Variants in NCS1 observed in about 807,000 individuals in gnomAD.
NCS1 encodes frequenin homolog.
Under a neutral mutation model 28.4 loss-of-function variants are expected in NCS1, and 6 were observed. That is an observed-to-expected ratio of 0.21 (90% CI 0.12 to 0.42). The LOEUF is 0.42. Among genes scored for constraint, NCS1 ranks in the 10% least tolerant of loss-of-function variants. The pLI, the probability that NCS1 is intolerant of heterozygous loss-of-function variation, is 1.00. For missense variants in NCS1, 131 were observed against 241.4 expected, an observed-to-expected ratio of 0.54 and a Z score of 3.03; for synonymous variants, 86 against 99.3, an observed-to-expected ratio of 0.87 and a Z score of 0.79.
At chr9:130,207,601 G>C (rs1172859006) in intron 2 of NCS1, among the ~76,000 whole-genome samples, 1 of 152,260 alleles carries the variant, frequency 6.6e-6, no homozygotes, top group Non-Finnish European at 1.5e-5. Context: ...AGGGTCTTAA[G>C]TGATTCTGTG....
At chr9:130,208,490 T>A (rs1380341493) in intron 2 of NCS1, among the ~76,000 whole-genome samples, 1 of 152,102 alleles carries the variant, frequency 6.6e-6, no homozygotes, top group Non-Finnish European at 1.5e-5. Context: ...TTGGCCAGGC[T>A]GGTCTCAAAC....
rs1833279814 is a variant in NCS1 at position 130,221,155 on chromosome 9, C to T, written c.307+1352C>T. On this transcript the variant is annotated intron_variant, in intron 4 of 7. Transcript: ENST00000372398. ...TCTCCTGCTTCAGCCTCCCAAGTAGCTGGGATTACAGGCATGTGCCACCAC... is the reference window on the plus strand; with the variant it reads ...TCTCCTGCTTCAGCCTCCCAAGTAGTTGGGATTACAGGCATGTGCCACCAC... Among the ~76,000 whole-genome samples, 2 of 151,908 alleles carry T rather than the reference C, an allele frequency of 1.3e-5. 1 individual carries two copies. Among genetic ancestry groups the T allele is most frequent in the Middle Eastern group, 6.8e-3 (2 of 294 alleles).
intron 2 of NCS1, among the ~76,000 whole-genome samples, chr9:130,204,359 G>A (rs1832998651): frequency 6.6e-6 from 1 of 152,146 alleles, no homozygotes; most frequent in Admixed American, 6.5e-5. Flanking sequence ...TACTACCAAA[G>A]CTCACTGCAG....
rs782685315 is a variant in NCS1 at position 130,186,324 on chromosome 9, C to T, written c.64+13597C>T. ...ACAATGGACTGGGAATCTCCCTGGT[C>T]TGGGGTGCATCTGGGAGGGCTTCCT... On this transcript the variant is annotated intron_variant, in intron 1 of 7. Coordinates refer to ENST00000372398, the MANE Select transcript of NCS1 (RefSeq NM_014286.4). The surrounding 1 kb of genome is among the most constrained non-coding windows in gnomAD (Gnocchi z 4.1). Among the ~76,000 whole-genome samples, 1 of 152,118 alleles carries T rather than the reference C, an allele frequency of 6.6e-6. No individual in the cohort carries two copies. The highest frequency in any genetic ancestry group is 1.5e-5 in the Non-Finnish European group (1 of 68,020).
At position 130,175,856 on chromosome 9, in the gene NCS1, G is replaced by A. The variant is rs56339189; in HGVS notation, c.64+3129G>A. Among the ~76,000 whole-genome samples the A allele has an allele frequency of 9.6e-3, 1,466 of 152,340 alleles. 19 individuals are homozygous for A. The highest frequency in any genetic ancestry group is 0.034 in the African/African-American group (1,414 of 41,560). On this transcript the variant is annotated intron_variant, in intron 1 of 7. Coordinates refer to ENST00000372398, the MANE Select transcript of NCS1 (RefSeq NM_014286.4). This position sits in a 1 kb window ranked among gnomAD's most constrained non-coding sequence, Gnocchi z 4.9. ...GCCAAGACTTAGACAGTGGCAGTCA[G>A]CATTGCGGGCGGCCCAGTTTCTTTC... is the stretch of plus-strand genomic sequence containing the variant.
At chr9:130,228,706 A>G (rs1291569820) in intron 7 of NCS1, among the ~76,000 whole-genome samples, 16 of 147,092 alleles carry the variant, frequency 1.1e-4, no homozygotes, top group South Asian at 1.1e-3. Flanking sequence ...TCACTCCATC[A>G]CCTAGGCTGG....
At chr9:130,184,781 C>G (rs1230321573) in intron 1 of NCS1, among the ~76,000 whole-genome samples, 1 of 133,792 alleles carries the variant, frequency 7.5e-6, no homozygotes, top group Non-Finnish European at 1.6e-5. Context: ...GCGTGCACCA[C>G]CACGCCTGGC....
At chr9:130,199,026 T>C (rs1832909193) in intron 1 of NCS1, among the ~76,000 whole-genome samples, 1 of 151,990 alleles carries the variant, frequency 6.6e-6, no homozygotes, top group Non-Finnish European at 1.5e-5. Flanking sequence ...GAAAATTGCT[T>C]TCTTTGACTC....
intron 1 of NCS1, among the ~76,000 whole-genome samples, 196 bp from the exon 2 acceptor site, chr9:130,200,762 G>A (rs1303554650): frequency 6.6e-6 from 1 of 152,228 alleles, no homozygotes; most frequent in African/African-American, 2.4e-5. Context: ...AGTGTCCCCT[G>A]CTGGGGTGGT....
rs1296746765 is a variant in NCS1, at chr9:130,233,946, C to G, written c.*974C>G. 1 of 152,216 alleles carries G rather than the reference C, an allele frequency of 6.6e-6. No individual in the cohort carries two copies. Among genetic ancestry groups the G allele is most frequent in the Non-Finnish European group, 1.5e-5 (1 of 68,096 alleles). 9.4% of individuals were successfully genotyped at this position (152,216 alleles called of 1,614,324 possible). A position where few individuals can be genotyped will look rare whatever the true frequency, so the allele number is the denominator to read the frequency against. ...TCTGTCCCCGCATCCTTGTTCTCCCCTGGGTCCGTAACATTTTTTCCGAGG... is the reference window on the plus strand; with the variant it reads ...TCTGTCCCCGCATCCTTGTTCTCCCGTGGGTCCGTAACATTTTTTCCGAGG... On this transcript the variant is annotated 3_prime_UTR_variant, in exon 8 of 8. Coordinates refer to ENST00000372398, the MANE Select transcript of NCS1 (RefSeq NM_014286.4). The surrounding 1 kb of genome is among the most constrained non-coding windows in gnomAD (Gnocchi z 4.8).
Position 130,175,382 on chromosome 9 carries a change from G to C in NCS1, c.64+2655G>C, listed in dbSNP as rs540058270. Among the ~76,000 whole-genome samples, 3 of 152,158 alleles carry C rather than the reference G, an allele frequency of 2.0e-5. No individual in the cohort carries two copies. The highest frequency in any genetic ancestry group is 4.4e-5 in the Non-Finnish European group (3 of 68,032). ...CCCCAGGAAGGACTCTCAAATGTCA[G>C]AATCTCCTGGTTGATTAATAAACAT... On this transcript the variant is annotated intron_variant, in intron 1 of 7. Transcript: ENST00000372398. The surrounding 1 kb of genome is among the most constrained non-coding windows in gnomAD (Gnocchi z 4.9).
At chr9:130,197,178 C>T (rs1554906941) in intron 1 of NCS1, among the ~76,000 whole-genome samples, 1 of 152,142 alleles carries the variant, frequency 6.6e-6, no homozygotes, top group Non-Finnish European at 1.5e-5. Flanking sequence ...GAAGGCAGGG[C>T]AGGTTTGATC....
At chr9:130,211,608 C>T (rs550904750) in intron 2 of NCS1, among the ~76,000 whole-genome samples, 2 of 152,008 alleles carry the variant, frequency 1.3e-5, no homozygotes, top group Non-Finnish European at 1.5e-5. Flanking sequence ...GTGGGCAGGG[C>T]CAGGAGAGCC....
At chr9:130,230,981 CT>C (rs528712320) in intron 7 of NCS1, among the ~76,000 whole-genome samples, 23 of 149,682 alleles carry the variant, frequency 1.5e-4, no homozygotes, top group East Asian at 3.9e-4. Flanking sequence ...TTATCTTACT[CT>C]TTTTTTTTTA....
intron 6 of NCS1, among the ~76,000 whole-genome samples, chr9:130,224,832 A>G (rs1554911183): frequency 6.6e-6 from 1 of 152,238 alleles, no homozygotes; most frequent in Non-Finnish European, 1.5e-5. Context: ...TAAAACTAAA[A>G]TAACTTAAAT....
At chr9:130,198,379 C>T (rs1460526245) in intron 1 of NCS1, among the ~76,000 whole-genome samples, 1 of 152,200 alleles carries the variant, frequency 6.6e-6, no homozygotes, top group Non-Finnish European at 1.5e-5. Flanking sequence ...CCCGCTCTGG[C>T]ACTGTGAGGC....
chr9:130,190,032 AAGAGAGAGAGAG>A (rs34529294), intron 1 of NCS1, among the ~76,000 whole-genome samples: 5 of 120,470 alleles, frequency 4.2e-5, no homozygotes, highest in Admixed American at 8.8e-5. Flanking sequence ...ATGTTTATGC[AAGAGAGAGAGAG>A]AGAGAGAGAG....
intron 1 of NCS1, among the ~76,000 whole-genome samples, chr9:130,183,729 T>C (rs547801353): frequency 3.6e-5 from 5 of 138,076 alleles, no homozygotes; most frequent in Non-Finnish European, 8.3e-5. Context: ...TCCTTCTTTC[T>C]CTCTCTCTTC....
intron 1 of NCS1, among the ~76,000 whole-genome samples, chr9:130,173,027 T>A (rs1436215240): frequency 6.6e-6 from 1 of 152,042 alleles, no homozygotes; most frequent in African/African-American, 2.4e-5. Flanking sequence ...CGCAGAGCTG[T>A]CCCAACGGGC....
Sources: gnomAD v4.1 joint callset for allele counts (sites outside exome capture counted in the v4.1 genomes callset) on GRCh38, gnomAD v4.1.1 for gene constraint, Gnocchi (gnomAD v3.1) non-coding constraint, MANE v1.5 for transcripts, NCBI Gene and HGNC (gene_info 2026-07-23, HGNC 2026-07-21) for gene names.